AMPH: variants seen among roughly 807,000 people sequenced by gnomAD.
AMPH encodes the protein amphiphysin.
AMPH carries 49 observed loss-of-function variants against 99.1 expected under a neutral mutation model. The observed-to-expected ratio is 0.49, with a 90% CI of 0.39 to 0.63. The LOEUF (loss-of-function observed/expected upper bound fraction) is 0.63, where lower values mean the gene tolerates loss of function less well. Ranked by LOEUF, AMPH falls within the 20% of genes least tolerant of loss-of-function variation. The pLI, the probability that AMPH is intolerant of heterozygous loss-of-function variation, is 0.00. For missense variants in AMPH, 759 were observed against 863.4 expected, an observed-to-expected ratio of 0.88 and a Z score of 1.52; for synonymous variants, 314 against 317.3, an observed-to-expected ratio of 0.99 and a Z score of 0.11.
At position 38,585,683 on chromosome 7, in the gene AMPH, G is replaced by A. The variant is rs74809885; in HGVS notation, c.69+45600C>T. On this transcript the variant is annotated intron_variant, in intron 1 of 20. Transcript: ENST00000356264. ...ACATGGATCTGTCCAATAGCCTCAC[G>A]GTCCACCGTGCCAGTGGAATTTTCC... Among the ~76,000 whole-genome samples the A allele has an allele frequency of 2.8e-3, 430 of 152,264 alleles. 13 individuals are homozygous for A. In the East Asian group the frequency reaches 0.074, roughly 26 times the overall value.
chr7:38,515,415 C>A (rs1305064519), intron 2 of AMPH, among the ~76,000 whole-genome samples: 3 of 152,180 alleles, frequency 2.0e-5, no homozygotes, highest in Non-Finnish European at 4.4e-5. Flanking sequence ...GCACTTCCTC[C>A]TTCACTCTCT....
intron 17 of AMPH, among the ~76,000 whole-genome samples, chr7:38,415,146 A>T (rs1428977834): frequency 6.6e-6 from 1 of 152,248 alleles, no homozygotes; most frequent in African/African-American, 2.4e-5. Context: ...ACAAACAAAA[A>T]TGTAATAATT....
chr7:38,607,088 A>G (rs1050983421), intron 1 of AMPH, among the ~76,000 whole-genome samples: 1 of 152,012 alleles, frequency 6.6e-6, no homozygotes, highest in Admixed American at 6.6e-5. Flanking sequence ...ACAGTGCCCA[A>G]CTCTTCAAAA....
chr7:38,428,407 T>G (rs1178048185), intron 14 of AMPH: 1 of 456,736 alleles, frequency 2.2e-6, no homozygotes. Context: ...TTTGCATCTC[T>G]TCCCAGAGAA....
chr7:38,385,389 G>A (rs1196187437), intron 20 of AMPH, among the ~76,000 whole-genome samples: 1 of 152,084 alleles, frequency 6.6e-6, no homozygotes, highest in Admixed American at 6.5e-5. Context: ...ATACTGATGA[G>A]GCCATGGAAT....
At chr7:38,541,980 C>T (rs1227363033) in intron 1 of AMPH, among the ~76,000 whole-genome samples, 1 of 152,220 alleles carries the variant, frequency 6.6e-6, no homozygotes, top group Non-Finnish European at 1.5e-5. Context: ...TATCATGTTG[C>T]AGAATGCTGC....
chr7:38,513,750 C>A (rs1789630901), intron 2 of AMPH, among the ~76,000 whole-genome samples: 1 of 152,094 alleles, frequency 6.6e-6, no homozygotes, highest in South Asian at 2.1e-4. Flanking sequence ...TCTCTGTTAC[C>A]TTAAAAAAAG....
intron 1 of AMPH, among the ~76,000 whole-genome samples, chr7:38,593,967 G>C (rs1792954801): frequency 6.6e-6 from 1 of 152,182 alleles, no homozygotes. Flanking sequence ...CATGGCGAGA[G>C]CGGTGGGTTT....
intron 3 of AMPH, among the ~76,000 whole-genome samples, chr7:38,498,600 T>A (rs776977189): frequency 7.9e-5 from 12 of 152,212 alleles, no homozygotes; most frequent in Non-Finnish European, 1.8e-4. Context: ...GTGCCTAGCA[T>A]ATAAGTGCTC....
intron 17 of AMPH, among the ~76,000 whole-genome samples, chr7:38,410,444 C>T (rs1785180796): frequency 6.6e-6 from 1 of 152,176 alleles, no homozygotes; most frequent in African/African-American, 2.4e-5. Flanking sequence ...TGACTGCCAA[C>T]CTCTGAGTTC....
At chr7:38,571,253 TA>T (rs1317761132) in intron 1 of AMPH, among the ~76,000 whole-genome samples, 2 of 74,028 alleles carry the variant, frequency 2.7e-5, no homozygotes. Flanking sequence ...TATAAATATA[TA>T]TTAAATATAT....
intron 1 of AMPH, among the ~76,000 whole-genome samples, chr7:38,568,160 A>G (rs1791812961): frequency 6.6e-6 from 1 of 152,208 alleles, no homozygotes; most frequent in African/African-American, 2.4e-5. Context: ...TGCAAATTCA[A>G]ATTAAGCCAA....
rs184535971 is a variant in AMPH, at chr7:38,542,021, T to G, written c.70-7010A>C. On this transcript the variant is annotated intron_variant, in intron 1 of 20. Coordinates refer to ENST00000356264, the MANE Select transcript of AMPH (RefSeq NM_001635.4). Reference sequence around the variant, plus strand: ...TCTCTCCTTCCTAACCCTTTCAATTTCAGGACATTTAGTCCTCTGACTTCA... The same window carrying G: ...TCTCTCCTTCCTAACCCTTTCAATTGCAGGACATTTAGTCCTCTGACTTCA... Among the ~76,000 whole-genome samples, 11 of 152,282 alleles carry G rather than the reference T, an allele frequency of 7.2e-5. No individual in the cohort carries two copies. The East Asian group carries it at 2.1e-3, about 29-fold the overall frequency.
intron 17 of AMPH, among the ~76,000 whole-genome samples, chr7:38,403,044 T>C (rs1027313153): frequency 2.0e-5 from 3 of 151,112 alleles, no homozygotes; most frequent in Non-Finnish European, 4.4e-5. Context: ...CTCCAAGGTT[T>C]TTTTGTTGTT....
intron 14 of AMPH, chr7:38,429,512 C>T (rs1157503237): frequency 2.2e-6 from 3 of 1,368,560 alleles, no homozygotes; most frequent in Non-Finnish European, 2.9e-6. Context: ...TTTCTTCGGC[C>T]AACCCACTGT....
At chr7:38,441,917 T>C (rs1378014085) in intron 11 of AMPH, among the ~76,000 whole-genome samples, 2 of 136,228 alleles carry the variant, frequency 1.5e-5, no homozygotes, top group African/African-American at 5.2e-5. Flanking sequence ...TGGAATACTA[T>C]GCAGCCATAA....
chr7:38,485,957 G>T (rs1177774287), intron 5 of AMPH, among the ~76,000 whole-genome samples: 2 of 151,892 alleles, frequency 1.3e-5, no homozygotes, highest in African/African-American at 4.8e-5. Flanking sequence ...AGAAAAAGCT[G>T]TACTAAGTGG....
At chr7:38,566,494 G>A (rs1324145737) in intron 1 of AMPH, among the ~76,000 whole-genome samples, 3 of 152,104 alleles carry the variant, frequency 2.0e-5, no homozygotes, top group Non-Finnish European at 2.9e-5. Flanking sequence ...TAGGCAAAGA[G>A]TTCATGACTA....
intron 1 of AMPH, among the ~76,000 whole-genome samples, chr7:38,609,838 G>T (rs765311327): frequency 1.6e-4 from 24 of 152,034 alleles, no homozygotes; most frequent in Non-Finnish European, 2.8e-4. Context: ...AGATCATACA[G>T]ACAGCACTCA....
Sources: allele counts gnomAD v4.1 joint callset (sites outside exome capture counted in the v4.1 genomes callset), GRCh38; gene constraint gnomAD v4.1.1; transcripts MANE v1.5; gene names NCBI Gene and HGNC (gene_info 2026-07-23, HGNC 2026-07-21).